PDZRN3: variants seen among roughly 807,000 people sequenced by gnomAD.
The protein encoded by PDZRN3 is PDZ domain containing ring finger 3.
In PDZRN3, 38 loss-of-function variants were observed where a neutral mutation model predicts 85.7. The observed-to-expected ratio is 0.44, with a 90% CI of 0.34 to 0.58. The LOEUF is 0.58. Among genes scored for constraint, PDZRN3 ranks in the 20% least tolerant of loss-of-function variants. The pLI is 0.01. For synonymous variants in PDZRN3, 759 were observed against 638.0 expected (o/e 1.19, Z -2.86); for missense variants, 1,629 against 1,506.4 (o/e 1.08, Z -1.35).
intron 3 of PDZRN3, chr3:73,408,248 CCA>C (rs1296364791): frequency 4.3e-6 from 3 of 702,072 alleles, no homozygotes; most frequent in Non-Finnish European, 7.8e-6. Context: ...GTTCTCAGTT[CCA>C]GTTTTCTCAT....
chr3:73,399,375 A>T (rs1232879203), intron 5 of PDZRN3, among the ~76,000 whole-genome samples: 2 of 152,190 alleles, frequency 1.3e-5, no homozygotes, highest in Admixed American at 1.3e-4. Flanking sequence ...AAATATAAAC[A>T]GGTACTTGGC....
rs562915743 is a variant in PDZRN3, at chr3:73,404,165, G to A, written c.1149C>T (p.Pro383=). 6.2e-7 allele frequency: 1 copy of A among 1,613,710 alleles called. No individual in the cohort carries two copies. Among genetic ancestry groups the A allele is most frequent in the Non-Finnish European group, 8.5e-7 (1 of 1,179,762 alleles). The change falls in exon 4 of 10, where the codon CCC becomes CCT. Residue 383 remains proline (P), a synonymous_variant. Transcript: ENST00000263666. ...TTACTTACTCCTCTGGCAAGAGATAGGGATCCAGCACGGGTGGGCTGGGAG... is the reference window on the plus strand; with the variant it reads ...TTACTTACTCCTCTGGCAAGAGATAAGGATCCAGCACGGGTGGGCTGGGAG... ...MSSPSPPVLD[P]YLLPEEHPSA...
rs376844276 is a variant in PDZRN3, at chr3:73,555,979, A to G, written c.918+46375T>C. 3.3e-5 allele frequency among the ~76,000 whole-genome samples: 5 copies of G among 152,350 alleles called. No individual in the cohort carries two copies. The East Asian group carries it at 9.6e-4, about 29-fold the overall frequency. On this transcript the variant is annotated intron_variant, in intron 3 of 9. Coordinates refer to ENST00000263666, the MANE Select transcript of PDZRN3 (RefSeq NM_015009.3). ...TGAAGAGGGTGATTCAGAAAAGGCA[A>G]TAATTACAAAATATGCTTAAGGATT...
intron 1 of PDZRN3, among the ~76,000 whole-genome samples, chr3:73,622,982 T>C (rs1702891495): frequency 1.3e-5 from 2 of 152,138 alleles, no homozygotes; most frequent in South Asian, 4.1e-4. Context: ...GACCCAGGCA[T>C]GAAACTGCCC....
chr3:73,401,270 T>C (rs1041457284), intron 4 of PDZRN3, among the ~76,000 whole-genome samples: 1 of 152,182 alleles, frequency 6.6e-6, no homozygotes. Context: ...GCAGAGCCCA[T>C]CCCGGAGCCT....
At position 73,528,549 on chromosome 3, in the gene PDZRN3, G is replaced by A. The variant is rs73838556; in HGVS notation, c.918+73805C>T. 8.5e-3 allele frequency among the ~76,000 whole-genome samples: 1,286 copies of A among 152,188 alleles called. 10 individuals are homozygous for A. Among genetic ancestry groups the A allele is most frequent in the African/African-American group, 0.027 (1,113 of 41,528 alleles). ...AGAAAGAGAATGATCTTTTATATGC[G>A]ATTACGAAGTAATAAGGATGATCTC... is the stretch of plus-strand genomic sequence containing the variant. On this transcript the variant is annotated intron_variant, in intron 3 of 9. Coordinates refer to ENST00000263666, the MANE Select transcript of PDZRN3 (RefSeq NM_015009.3).
intron 3 of PDZRN3, among the ~76,000 whole-genome samples, chr3:73,524,363 A>G (rs190072062): frequency 2.6e-5 from 4 of 152,350 alleles, no homozygotes; most frequent in Admixed American, 2.6e-4. Flanking sequence ...ACAGTGATGC[A>G]TATTACCACC....
chr3:73,507,526 T>C (rs954404877), intron 3 of PDZRN3, among the ~76,000 whole-genome samples: 1 of 152,220 alleles, frequency 6.6e-6, no homozygotes, highest in Non-Finnish European at 1.5e-5. Context: ...CATAGGTATT[T>C]TTCTGTATTG....
At chr3:73,530,652 GTT>G (rs1312669476) in intron 3 of PDZRN3, among the ~76,000 whole-genome samples, 1 of 149,874 alleles carries the variant, frequency 6.7e-6, no homozygotes, top group Non-Finnish European at 1.5e-5. Flanking sequence ...AATGTTTTTT[GTT>G]TATTTTTTAA....
chr3:73,490,990 C>G (rs1255515829), intron 3 of PDZRN3, among the ~76,000 whole-genome samples: 1 of 152,224 alleles, frequency 6.6e-6, no homozygotes, highest in Admixed American at 6.5e-5. Flanking sequence ...ACAGCAAAAG[C>G]CTGCCAGGCA....
chr3:73,586,351 T>C (rs926797045), intron 3 of PDZRN3, among the ~76,000 whole-genome samples: 2 of 152,198 alleles, frequency 1.3e-5, no homozygotes, highest in Admixed American at 1.3e-4. Context: ...CCTCATGACA[T>C]ACTGTCACCT....
chr3:73,563,057 T>TCAGGCTGGAGTTAGTTCAGTC, intron 3 of PDZRN3, among the ~76,000 whole-genome samples: 1 of 117,200 alleles, frequency 8.5e-6, no homozygotes, highest in South Asian at 3.2e-4. Flanking sequence ...CTAGTTCAGT[T>TCAGGCTGGAGTTAGTTCAGTC]GCTCAGGCTG....
At chr3:73,397,200 G>A (rs1205469544) in intron 5 of PDZRN3, among the ~76,000 whole-genome samples, 1 of 151,828 alleles carries the variant, frequency 6.6e-6, no homozygotes, top group African/African-American at 2.4e-5. Flanking sequence ...CGTCTGGCCA[G>A]AACCATCTGT....
At chr3:73,397,055 A>T (rs1170460301) in intron 5 of PDZRN3, among the ~76,000 whole-genome samples, 6 of 144,730 alleles carry the variant, frequency 4.1e-5, no homozygotes, top group Non-Finnish European at 9.0e-5. Context: ...TTTTTTTGAG[A>T]CAGAGTCTTG....
At chr3:73,588,448 C>T (rs1187225387) in intron 3 of PDZRN3, among the ~76,000 whole-genome samples, 3 of 152,124 alleles carry the variant, frequency 2.0e-5, no homozygotes, top group Non-Finnish European at 4.4e-5. Flanking sequence ...CCTAAGTGTA[C>T]ATCTTGGTGT....
chr3:73,415,763 T>C (rs1467684828), intron 3 of PDZRN3, among the ~76,000 whole-genome samples: 1 of 152,198 alleles, frequency 6.6e-6, no homozygotes, highest in East Asian at 1.9e-4. Flanking sequence ...AAATATTAAA[T>C]GCATTTTTGA....
At chr3:73,493,205 G>A (rs922040917) in intron 3 of PDZRN3, among the ~76,000 whole-genome samples, 4 of 152,072 alleles carry the variant, frequency 2.6e-5, no homozygotes, top group Admixed American at 2.6e-4. Flanking sequence ...TGGCCTGGGT[G>A]ACACCCAAGG....
chr3:73,513,363 G>A (rs1704201468), intron 3 of PDZRN3, among the ~76,000 whole-genome samples: 3 of 152,172 alleles, frequency 2.0e-5, no homozygotes, highest in African/African-American at 7.2e-5. Context: ...ATTAGGCATG[G>A]CGGTGATAAG....
At chr3:73,496,847 A>C (rs1703877324) in intron 3 of PDZRN3, among the ~76,000 whole-genome samples, 1 of 152,194 alleles carries the variant, frequency 6.6e-6, no homozygotes, top group Non-Finnish European at 1.5e-5. Flanking sequence ...TAGCTCGCTG[A>C]CCATTACTAA....
Sources: allele counts gnomAD v4.1 joint callset (sites outside exome capture counted in the v4.1 genomes callset), GRCh38; gene constraint gnomAD v4.1.1; transcripts MANE v1.5; gene names NCBI Gene and HGNC (gene_info 2026-07-23, HGNC 2026-07-21).